The following DPP6 variants were observed in gnomAD, a reference collection of about 807,000 sequenced individuals.
The protein encoded by DPP6 is A-type potassium channel modulatory protein DPP6.
Under a neutral mutation model 122.6 loss-of-function variants are expected in DPP6, and 69 were observed. That is an observed-to-expected ratio of 0.56 (90% CI 0.46 to 0.69). DPP6 has a LOEUF of 0.69. Ranked by LOEUF, DPP6 falls within the 30% of genes least tolerant of loss-of-function variation. DPP6 has a pLI of 0.00. For synonymous variants in DPP6, 418 were observed against 433.1 expected, an observed-to-expected ratio of 0.97 and a Z score of 0.43; for missense variants, 928 against 1,116.9, an observed-to-expected ratio of 0.83 and a Z score of 2.41.
intron 1 of DPP6, among the ~76,000 whole-genome samples, chr7:153,925,199 G>A (rs144415054): frequency 6.6e-6 from 1 of 152,304 alleles, no homozygotes; most frequent in African/African-American, 2.4e-5. Flanking sequence ...TCTGATGAAG[G>A]GAGACCATCC....
At chr7:154,488,538 A>C (rs887732926) in intron 3 of DPP6, among the ~76,000 whole-genome samples, 1 of 151,914 alleles carries the variant, frequency 6.6e-6, no homozygotes, top group Non-Finnish European at 1.5e-5. Context: ...ACTCTCTAAC[A>C]GATGAAAGAG....
chr7:154,707,994 C>CA (rs1273104160), intron 7 of DPP6, among the ~76,000 whole-genome samples: 2 of 152,094 alleles, frequency 1.3e-5, no homozygotes, highest in Non-Finnish European at 2.9e-5. Context: ...GCCAGTATAA[C>CA]AAAAGGTTGT....
intron 1 of DPP6, among the ~76,000 whole-genome samples, chr7:153,925,219 A>G (rs1054909075): frequency 6.6e-6 from 1 of 152,088 alleles, no homozygotes; most frequent in Admixed American, 6.5e-5. Flanking sequence ...CGCATAGTAG[A>G]AGGTCCCCAA....
At chr7:153,843,950 T>A in the DPP6 span, among the ~76,000 whole-genome samples, 4 of 152,024 alleles carry the variant, frequency 2.6e-5, no homozygotes, top group Non-Finnish European at 4.4e-5. Flanking sequence ...GATGAGGGCG[T>A]TTATAGCCCT....
chr7:154,686,789 T>C (rs949109270), intron 7 of DPP6, among the ~76,000 whole-genome samples: 16 of 152,120 alleles, frequency 1.1e-4, no homozygotes, highest in African/African-American at 3.4e-4. Flanking sequence ...GCTTCATTAT[T>C]TTTTTTATTT....
At chr7:154,429,013 TAAAAC>T (rs896629094) in intron 1 of DPP6, among the ~76,000 whole-genome samples, 3 of 152,044 alleles carry the variant, frequency 2.0e-5, no homozygotes, top group African/African-American at 4.8e-5. Flanking sequence ...AAATAAAACA[TAAAAC>T]AAAATAAAGA....
chr7:154,068,851 GC>G (rs1563166170), intron 1 of DPP6, among the ~76,000 whole-genome samples: 1 of 54,718 alleles, frequency 1.8e-5, no homozygotes, highest in Non-Finnish European at 3.5e-5. Context: ...AGTAAACTGG[GC>G]CACCAGAGGC....
At chr7:153,922,366 G>A (rs924512398) in intron 1 of DPP6, among the ~76,000 whole-genome samples, 1 of 152,114 alleles carries the variant, frequency 6.6e-6, no homozygotes, top group Non-Finnish European at 1.5e-5. Context: ...GGGCATAGTG[G>A]CATGCTTTTG....
In DPP6 at chr7:154,567,648, T is replaced by C. The variant is rs569856984; in HGVS notation, c.627+732T>C. On this transcript the variant is annotated intron_variant, in intron 5 of 25. Coordinates refer to ENST00000377770, the MANE Select transcript of DPP6 (RefSeq NM_130797.4). ...AATGTATGTTTTAAGAACTTTCCTC[T>C]CTGGCAAATAAGATATAGAGTCTAC... 4.6e-5 allele frequency among the ~76,000 whole-genome samples: 7 copies of C among 152,330 alleles called. No individual in the cohort carries two copies. The East Asian group carries it at 1.3e-3, about 29-fold the overall frequency.
At chr7:154,554,265 T>G (rs953492291) in intron 4 of DPP6, among the ~76,000 whole-genome samples, 4 of 152,204 alleles carry the variant, frequency 2.6e-5, no homozygotes, top group Admixed American at 2.6e-4. Context: ...ATTTGATGTG[T>G]GCACCCACAG....
chr7:154,802,560 C>T (rs185294071), intron 13 of DPP6, among the ~76,000 whole-genome samples: 1 of 152,242 alleles, frequency 6.6e-6, no homozygotes, highest in East Asian at 1.9e-4. Flanking sequence ...TCACTTATAT[C>T]AAGATTTTAA....
At chr7:154,333,340 A>G (rs1809121416) in intron 1 of DPP6, among the ~76,000 whole-genome samples, 2 of 151,962 alleles carry the variant, frequency 1.3e-5, no homozygotes, top group South Asian at 2.1e-4. Context: ...TTCATTTTCT[A>G]TCAGTTCCTG....
chr7:153,893,367 T>C (rs1799285748), intron 1 of DPP6, among the ~76,000 whole-genome samples: 1 of 152,260 alleles, frequency 6.6e-6, no homozygotes, highest in African/African-American at 2.4e-5. Flanking sequence ...GTGGTGCTTA[T>C]TGAAATATGA....
intron 7 of DPP6, among the ~76,000 whole-genome samples, chr7:154,681,587 T>G (rs1839282260): frequency 6.6e-6 from 1 of 152,124 alleles, no homozygotes; most frequent in Admixed American, 6.5e-5. Context: ...TCCGGTCGCC[T>G]CGGGTAGGGC....
chr7:153,762,026 C>A, the DPP6 span, among the ~76,000 whole-genome samples: 1 of 152,212 alleles, frequency 6.6e-6, no homozygotes, highest in Non-Finnish European at 1.5e-5. Context: ...ATTGCTTACT[C>A]TTCTAGTTAC....
Position 154,052,674 on chromosome 7 carries a change from C to T in DPP6, c.-147C>T, listed in dbSNP as rs1159995388. ...GGCGCGCGGGAGGAGCGGCCGCCGG[C>T]GCTGGGCTTGCCTTGCTGCTGCTGC... is the stretch of plus-strand genomic sequence containing the variant. On this transcript the variant is annotated 5_prime_UTR_variant, in exon 1 of 26. Transcript: ENST00000377770. This position sits in a 1 kb window ranked among gnomAD's most constrained non-coding sequence, Gnocchi z 4.8. 32 of 1,223,000 alleles carry T rather than the reference C, an allele frequency of 2.6e-5. No individual in the cohort carries two copies. Among genetic ancestry groups the T allele is most frequent in the Admixed American group, 2.1e-4 (6 of 29,096 alleles). 75.8% of individuals were successfully genotyped at this position (1,223,000 alleles called of 1,614,324 possible).
intron 5 of DPP6, among the ~76,000 whole-genome samples, chr7:154,582,928 C>T (rs893534939): frequency 6.6e-6 from 1 of 152,168 alleles, no homozygotes; most frequent in Non-Finnish European, 1.5e-5. Flanking sequence ...AGTGTCTTCC[C>T]CATGTTATCC....
the DPP6 span, among the ~76,000 whole-genome samples, chr7:153,847,753 C>T: frequency 2.0e-5 from 3 of 152,148 alleles, no homozygotes. Flanking sequence ...AATCTATGTC[C>T]AGTTTTTTTC....
chr7:153,902,438 A>T (rs1799677037), intron 1 of DPP6, among the ~76,000 whole-genome samples: 1 of 152,158 alleles, frequency 6.6e-6, no homozygotes, highest in Non-Finnish European at 1.5e-5. Context: ...TTTGCATTTT[A>T]AAAAGATGGT....
Sources: gnomAD v4.1 joint callset for allele counts (sites outside exome capture counted in the v4.1 genomes callset) on GRCh38, gnomAD v4.1.1 for gene constraint, Gnocchi (gnomAD v3.1) non-coding constraint, MANE v1.5 for transcripts, NCBI Gene and HGNC (gene_info 2026-07-23, HGNC 2026-07-21) for gene names.